AVL9: variants seen among roughly 807,000 people sequenced by gnomAD.
The protein encoded by AVL9 is late secretory pathway protein AVL9 homolog.
In AVL9, 49 loss-of-function variants were observed where a neutral mutation model predicts 79.2. That is an observed-to-expected ratio of 0.62 (90% CI 0.49 to 0.79). The LOEUF is 0.79. Ranked by LOEUF, AVL9 falls within the 30% of genes least tolerant of loss-of-function variation. The pLI is 0.00. For synonymous variants in AVL9, 299 were observed against 280.6 expected (o/e 1.07, Z -0.65); for missense variants, 682 against 776.8 (o/e 0.88, Z 1.45).
chr7:32,512,632 G>A (rs925108810), intron 1 of AVL9, among the ~76,000 whole-genome samples: 1 of 152,112 alleles, frequency 6.6e-6, no homozygotes. Context: ...GTGGTCCCTT[G>A]GTTTGATGCC....
chr7:32,570,773 C>T (rs1790800141), intron 11 of AVL9, among the ~76,000 whole-genome samples: 2 of 151,314 alleles, frequency 1.3e-5, no homozygotes, highest in Admixed American at 1.3e-4. Flanking sequence ...GTGCCCGCCA[C>T]CACGCTCGGC....
At chr7:32,572,307 T>A (rs1270200086) in intron 11 of AVL9, among the ~76,000 whole-genome samples, 1 of 151,364 alleles carries the variant, frequency 6.6e-6, no homozygotes, top group Non-Finnish European at 1.5e-5. Flanking sequence ...ATCCCAAATT[T>A]GAAGAAGAAA....
At chr7:32,515,435 T>G (rs183494122) in intron 1 of AVL9, among the ~76,000 whole-genome samples, 28 of 152,314 alleles carry the variant, frequency 1.8e-4, no homozygotes, top group African/African-American at 5.5e-4. Context: ...CTCCCCAAAT[T>G]TGGTTGAGAT....
In AVL9 at chr7:32,548,931, G is replaced by A; in HGVS notation, c.372+13G>A. On this transcript the variant is annotated intron_variant, in intron 4 of 15. Transcript: ENST00000318709. ...TCTAAGCAAGCTGGTAAGAGACGAAGTAACTTGTTCATTATGTTAAACCTT... is the reference window on the plus strand; with the variant it reads ...TCTAAGCAAGCTGGTAAGAGACGAAATAACTTGTTCATTATGTTAAACCTT... 1 of 1,538,444 alleles carries A rather than the reference G, an allele frequency of 6.5e-7. No homozygotes were observed. The highest frequency in any genetic ancestry group is 8.8e-7 in the Non-Finnish European group (1 of 1,142,518).
rs536058966 is a variant in AVL9 at position 32,496,272 on chromosome 7, G to A, written c.93+470G>A. Among the ~76,000 whole-genome samples the A allele has an allele frequency of 3.9e-5, 6 of 152,314 alleles. No individual in the cohort carries two copies. The East Asian group carries it at 9.6e-4, about 24-fold the overall frequency. On this transcript the variant is annotated intron_variant, in intron 1 of 15. Coordinates refer to ENST00000318709, the MANE Select transcript of AVL9 (RefSeq NM_015060.3). The stretch of plus-strand genomic sequence containing the variant: ...GTAGCTTGCAGCACATGCAGCCTCC[G>A]TAGAAAAATCAGCTTCCTTTGTTTA...
At chr7:32,541,181 G>A (rs1462432891) in intron 1 of AVL9, among the ~76,000 whole-genome samples, 1 of 151,940 alleles carries the variant, frequency 6.6e-6, no homozygotes, top group Non-Finnish European at 1.5e-5. Flanking sequence ...GATTACAGGC[G>A]TGAGCCACCG....
chr7:32,528,332 G>T (rs1363060453), intron 1 of AVL9, among the ~76,000 whole-genome samples: 1 of 152,186 alleles, frequency 6.6e-6, no homozygotes, highest in African/African-American at 2.4e-5. Flanking sequence ...TGTGTCCTCA[G>T]GACCTCCTGA....
At chr7:32,502,096 G>A (rs1787151683) in intron 1 of AVL9, among the ~76,000 whole-genome samples, 1 of 151,878 alleles carries the variant, frequency 6.6e-6, no homozygotes, top group Admixed American at 6.6e-5. Context: ...AGGCACAGTG[G>A]CTCATGTCTG....
At chr7:32,510,934 G>T (rs1288594139) in intron 1 of AVL9, among the ~76,000 whole-genome samples, 2 of 142,590 alleles carry the variant, frequency 1.4e-5, no homozygotes, top group Admixed American at 1.4e-4. Flanking sequence ...TCTCTCCAGG[G>T]TAAGATTTGT....
chr7:32,547,065 G>A (rs1393220254), intron 3 of AVL9, among the ~76,000 whole-genome samples: 1 of 152,142 alleles, frequency 6.6e-6, no homozygotes, highest in Admixed American at 6.5e-5. Flanking sequence ...TCTGGCTGGA[G>A]GATTTTTATG....
chr7:32,580,757 T>C, intron 14 of AVL9, 45 bp from the exon 15 acceptor site: 1 of 1,454,416 alleles, frequency 6.9e-7, no homozygotes, highest in Non-Finnish European at 9.6e-7. Flanking sequence ...GTGAGATTTT[T>C]TTAAAATTGT....
intron 9 of AVL9, 99 bp downstream of exon 9, chr7:32,558,727 C>A: frequency 8.7e-7 from 1 of 1,144,040 alleles, no homozygotes; most frequent in South Asian, 1.5e-5. Context: ...TTAGGGTTAT[C>A]CTTTCTATTT....
intron 13 of AVL9, among the ~76,000 whole-genome samples, chr7:32,576,915 T>A (rs1791129564): frequency 6.6e-6 from 1 of 152,224 alleles, no homozygotes; most frequent in African/African-American, 2.4e-5. Flanking sequence ...GAAGGCTTTA[T>A]CCCACATAGG....
At position 32,583,782 on chromosome 7, in the gene AVL9, C is replaced by G. The variant is rs747778972; in HGVS notation, c.1832-10C>G. The stretch of plus-strand genomic sequence containing the variant: ...ACATTTTTCCTTTTGTTTTTCTCCT[C>G]TCCATCCAGGCCAGTCAGTTGGAGG... On this transcript the variant is annotated splice_polypyrimidine_tract_variant and intron_variant, in intron 15 of 15. Transcript: ENST00000318709. 5.0e-6 allele frequency: 8 copies of G among 1,587,060 alleles called. No individual in the cohort carries two copies. The East Asian group carries it at 1.1e-4, about 22-fold the overall frequency.
intron 12 of AVL9, among the ~76,000 whole-genome samples, chr7:32,575,244 A>G (rs1583600765): frequency 2.0e-5 from 3 of 151,950 alleles, no homozygotes; most frequent in African/African-American, 7.3e-5. Flanking sequence ...GACTACAGGT[A>G]CCCGCCACCA....
At chr7:32,513,080 C>T (rs1562756369) in intron 1 of AVL9, among the ~76,000 whole-genome samples, 1 of 152,176 alleles carries the variant, frequency 6.6e-6, no homozygotes, top group Non-Finnish European at 1.5e-5. Context: ...AATAAAAGTA[C>T]TGCCTTAAAG....
chr7:32,562,514 C>A, intron 10 of AVL9: 1 of 526,082 alleles, frequency 1.9e-6, no homozygotes, highest in Non-Finnish European at 2.4e-6. Flanking sequence ...TTTTTAATAA[C>A]TTAAATGCAA....
At chr7:32,500,358 C>G (rs1470857478) in intron 1 of AVL9, among the ~76,000 whole-genome samples, 1 of 152,138 alleles carries the variant, frequency 6.6e-6, no homozygotes, top group African/African-American at 2.4e-5. Context: ...AGCTTTTTTT[C>G]ATATGTTTAT....
At chr7:32,541,961 C>T (rs530241316) in intron 1 of AVL9, among the ~76,000 whole-genome samples, 22 of 152,218 alleles carry the variant, frequency 1.4e-4, no homozygotes, top group African/African-American at 5.1e-4. Context: ...GTGATCCACC[C>T]GCCTCAGCTC....
Sources: gnomAD v4.1 joint callset for allele counts (sites outside exome capture counted in the v4.1 genomes callset) on GRCh38, gnomAD v4.1.1 for gene constraint, MANE v1.5 for transcripts, NCBI Gene and HGNC (gene_info 2026-07-23, HGNC 2026-07-21) for gene names.